PREX1: variants seen among roughly 807,000 people sequenced by gnomAD.
PREX1 encodes phosphatidylinositol-3,4,5-trisphosphate dependent Rac exchange factor 1, also known as phosphatidylinositol 3,4,5-trisphosphate-dependent Rac exchanger 1 protein.
A neutral mutation model predicts 198.3 loss-of-function variants in PREX1; 41 were observed. The ratio of observed to expected loss-of-function variants is 0.21; its 90% CI spans 0.16 to 0.27. The LOEUF (loss-of-function observed/expected upper bound fraction) is 0.27. PREX1 is among the 10% of genes least tolerant of loss of function. The pLI is 1.00. For missense variants in PREX1, 1,620 were observed against 2,200.7 expected (o/e 0.74, Z 5.28); for synonymous variants, 843 against 887.2 (o/e 0.95, Z 0.89).
At chr20:48,735,408 G>A (rs958239951) in intron 3 of PREX1, among the ~76,000 whole-genome samples, 2 of 152,114 alleles carry the variant, frequency 1.3e-5, no homozygotes, top group Non-Finnish European at 2.9e-5. Flanking sequence ...GCCCCCAGAT[G>A]GCCTTCCGAT....
chr20:48,789,647 C>T (rs980720408), intron 1 of PREX1, among the ~76,000 whole-genome samples: 9 of 152,114 alleles, frequency 5.9e-5, no homozygotes, highest in African/African-American at 2.2e-4. Flanking sequence ...ATATCAAAAC[C>T]ATTATTTCAT....
chr20:48,669,118 CCTCCCCCGCCATGCTTCCCTGCCTTGA>C (rs1251105642), intron 14 of PREX1, among the ~76,000 whole-genome samples: 2 of 152,026 alleles, frequency 1.3e-5, no homozygotes, highest in Non-Finnish European at 2.9e-5. Flanking sequence ...ACCCCTGCAA[CCTCCCCCGCCATGCTTCCCTGCCTTGA>C]CTCCCCCACC....
At chr20:48,706,598 C>T (rs972932024) in intron 6 of PREX1, among the ~76,000 whole-genome samples, 3 of 152,116 alleles carry the variant, frequency 2.0e-5, no homozygotes, top group Admixed American at 6.5e-5. Flanking sequence ...CTGTCTCCTC[C>T]GGTTTTGAAC....
chr20:48,791,148 T>C (rs993194108), intron 1 of PREX1, among the ~76,000 whole-genome samples: 7 of 138,296 alleles, frequency 5.1e-5, no homozygotes, highest in African/African-American at 1.7e-4. Context: ...TGCAGATTCA[T>C]GCACACACAC....
intron 29 of PREX1, among the ~76,000 whole-genome samples, chr20:48,640,134 A>C (rs763623428): frequency 6.6e-6 from 1 of 152,218 alleles, no homozygotes. Flanking sequence ...TCTGAGACCA[A>C]GACTCCCCAC....
intron 5 of PREX1, among the ~76,000 whole-genome samples, chr20:48,723,859 C>T (rs1239786105): frequency 6.6e-6 from 1 of 152,158 alleles, no homozygotes; most frequent in Non-Finnish European, 1.5e-5. Context: ...CACACAGGTC[C>T]AGCGACACCA....
intron 1 of PREX1, among the ~76,000 whole-genome samples, chr20:48,775,923 T>C (rs1451753692): frequency 6.6e-6 from 1 of 152,108 alleles, no homozygotes; most frequent in Non-Finnish European, 1.5e-5. Context: ...ACAGGCGGTT[T>C]TGGAAATCTG....
At chr20:48,810,268 C>A (rs775942409) in intron 1 of PREX1, among the ~76,000 whole-genome samples, 1 of 151,980 alleles carries the variant, frequency 6.6e-6, no homozygotes, top group Non-Finnish European at 1.5e-5. Flanking sequence ...ATTCCTCTGT[C>A]CTCTTAATTC....
At chr20:48,887,199 A>G in the PREX1 span, among the ~76,000 whole-genome samples, 1 of 152,058 alleles carries the variant, frequency 6.6e-6, no homozygotes, top group Non-Finnish European at 1.5e-5. Flanking sequence ...GTTAATACAT[A>G]CCTCCGTGCC....
chr20:48,800,317 C>T (rs1035500693), intron 1 of PREX1, among the ~76,000 whole-genome samples: 1 of 152,158 alleles, frequency 6.6e-6, no homozygotes, highest in African/African-American at 2.4e-5. Context: ...CGACCAACAG[C>T]CCCAGTTTAC....
the PREX1 span, among the ~76,000 whole-genome samples, chr20:48,855,339 T>C: frequency 9.9e-5 from 15 of 152,154 alleles, no homozygotes; most frequent in African/African-American, 3.6e-4. Flanking sequence ...TTGGTTTTAA[T>C]AATCTTGATT....
chr20:48,845,579 T>C, the PREX1 span, among the ~76,000 whole-genome samples: 2 of 151,966 alleles, frequency 1.3e-5, no homozygotes, highest in East Asian at 3.9e-4. Context: ...GTCCATGCCT[T>C]TAGTCCCAGC....
chr20:48,662,604 A>G (rs1416531216), intron 15 of PREX1, among the ~76,000 whole-genome samples: 2 of 152,226 alleles, frequency 1.3e-5, no homozygotes, highest in East Asian at 3.9e-4. Context: ...ACCCCTGGTC[A>G]GCCCTAAGGT....
At chr20:48,887,954 A>T in the PREX1 span, among the ~76,000 whole-genome samples, 1 of 151,798 alleles carries the variant, frequency 6.6e-6, no homozygotes, top group Non-Finnish European at 1.5e-5. Flanking sequence ...CGTCTCAAAA[A>T]AATAAATTAA....
At chr20:48,844,733 A>G in the PREX1 span, among the ~76,000 whole-genome samples, 2 of 152,174 alleles carry the variant, frequency 1.3e-5, no homozygotes, top group East Asian at 3.8e-4. Flanking sequence ...TGGATCCTCA[A>G]TGCTGCTCTT....
At chr20:48,826,412 A>C (rs746724077) in intron 1 of PREX1, among the ~76,000 whole-genome samples, 150 of 152,180 alleles carry the variant, frequency 9.9e-4, no homozygotes, top group Non-Finnish European at 1.5e-3. Context: ...CCTCTCACAG[A>C]AAAAAAGCAA....
chr20:48,776,552 C>A (rs1488640074), intron 1 of PREX1, among the ~76,000 whole-genome samples: 1 of 152,234 alleles, frequency 6.6e-6, no homozygotes, highest in Non-Finnish European at 1.5e-5. Context: ...AGGCTCCTTT[C>A]TAAAGCACAT....
chr20:48,753,368 G>A (rs1601114849), intron 1 of PREX1, among the ~76,000 whole-genome samples: 1 of 152,144 alleles, frequency 6.6e-6, no homozygotes, highest in African/African-American at 2.4e-5. Context: ...CCTAACCTGA[G>A]CCCAGTGGTT....
At chr20:48,820,017 G>A (rs937984749) in intron 1 of PREX1, among the ~76,000 whole-genome samples, 2 of 152,214 alleles carry the variant, frequency 1.3e-5, no homozygotes, top group African/African-American at 4.8e-5. Flanking sequence ...AGCTTTCAGT[G>A]GCCCCAGTCC....
Sources: gnomAD v4.1 joint callset for allele counts (sites outside exome capture counted in the v4.1 genomes callset) on GRCh38, gnomAD v4.1.1 for gene constraint, MANE v1.5 for transcripts, NCBI Gene and HGNC (gene_info 2026-07-23, HGNC 2026-07-21) for gene names.